The following RBFOX1 variants were observed in gnomAD, a reference collection of about 807,000 sequenced individuals.
RBFOX1 encodes the protein RNA binding fox-1 homolog 1.
A neutral mutation model predicts 57.7 loss-of-function variants in RBFOX1; 8 were observed. The ratio of observed to expected loss-of-function variants is 0.14; its 90% CI spans 0.08 to 0.25. The LOEUF is 0.25. Among genes scored for constraint, RBFOX1 ranks in the 10% least tolerant of loss-of-function variants. The pLI is 1.00. For synonymous variants in RBFOX1, 326 were observed against 222.4 expected (o/e 1.47, Z -4.15); for missense variants, 611 against 548.5 (o/e 1.11, Z -1.14).
At chr16:6,722,569 A>C (rs954957147) in intron 3 of RBFOX1, among the ~76,000 whole-genome samples, 1 of 152,202 alleles carries the variant, frequency 6.6e-6, no homozygotes, top group African/African-American at 2.4e-5. Flanking sequence ...GTGTGATATT[A>C]ATGAGAACCT....
intron 3 of RBFOX1, among the ~76,000 whole-genome samples, chr16:6,807,654 A>G (rs2087197797): frequency 6.6e-6 from 1 of 152,046 alleles, no homozygotes; most frequent in Admixed American, 6.6e-5. Flanking sequence ...CATCTCCACT[A>G]AAAATAAAAA....
chr16:7,216,845 C>G (rs987108323), intron 4 of RBFOX1, among the ~76,000 whole-genome samples: 2 of 151,946 alleles, frequency 1.3e-5, no homozygotes, highest in Middle Eastern at 3.2e-3. Context: ...TACTTTTTAC[C>G]AAGTTCTAGT....
Position 7,403,748 on chromosome 16 carries a change from G to C in RBFOX1, c.28-114399G>C, listed in dbSNP as rs373664319. On this transcript the variant is annotated intron_variant, in intron 4 of 15. Coordinates refer to ENST00000550418, the MANE Select transcript of RBFOX1 (RefSeq NM_018723.4). ...TTTAGTAGAGACAGGGTTTCACCAT[G>C]TTGGCCAGGTTGGTCTCGAACTCCT... is the stretch of plus-strand genomic sequence containing the variant. Among the ~76,000 whole-genome samples the C allele has an allele frequency of 5.3e-5, 8 of 152,086 alleles. No individual in the cohort carries two copies. The East Asian group carries it at 7.8e-4, about 15-fold the overall frequency.
chr16:5,642,980 C>T lies in RBFOX1; in HGVS notation c.318+44019C>T, dbSNP rs565253658. 5.9e-5 allele frequency among the ~76,000 whole-genome samples: 9 copies of T among 152,284 alleles called. No individual in the cohort carries two copies. The South Asian group carries it at 1.9e-3, about 32-fold the overall frequency. On this transcript the variant is annotated intron_variant, in intron 3 of 19. Transcript: ENST00000641259. Reference sequence around the variant, plus strand: ...TTCCTCCAGGGCTGGCCTAATCCACCGCCTCTCCTGAGCACGACTTCCTGG... The same window carrying T: ...TTCCTCCAGGGCTGGCCTAATCCACTGCCTCTCCTGAGCACGACTTCCTGG...
intron 3 of RBFOX1, among the ~76,000 whole-genome samples, chr16:5,724,873 T>C (rs1425432730): frequency 6.6e-6 from 1 of 152,198 alleles, no homozygotes; most frequent in African/African-American, 2.4e-5. Context: ...TGAGCCTATT[T>C]TGCCCATGAT....
intron 1 of RBFOX1, among the ~76,000 whole-genome samples, chr16:6,151,688 G>A (rs917298940): frequency 5.3e-5 from 8 of 152,202 alleles, no homozygotes; most frequent in African/African-American, 1.7e-4. Flanking sequence ...TAGAAGAGGG[G>A]GAGGTATTAA....
At chr16:5,422,743 G>C (rs1409810699) in intron 1 of RBFOX1, among the ~76,000 whole-genome samples, 1 of 135,890 alleles carries the variant, frequency 7.4e-6, no homozygotes, top group African/African-American at 2.8e-5. Context: ...CAGGGAAAGG[G>C]ATGGGGAGGA....
intron 3 of RBFOX1, among the ~76,000 whole-genome samples, chr16:5,631,665 C>T (rs1271493689): frequency 6.6e-6 from 1 of 152,094 alleles, no homozygotes; most frequent in Non-Finnish European, 1.5e-5. Context: ...TTCCCACCTC[C>T]TAGAACGGAA....
intron 2 of RBFOX1, among the ~76,000 whole-genome samples, chr16:5,512,760 G>A (rs764501322): frequency 3.3e-4 from 50 of 152,214 alleles, no homozygotes; most frequent in African/African-American, 9.9e-4. Context: ...TAACAGACCC[G>A]TATTGATGCA....
intron 2 of RBFOX1, among the ~76,000 whole-genome samples, chr16:6,371,167 T>A (rs367909865): frequency 6.6e-6 from 1 of 152,214 alleles, no homozygotes; most frequent in Non-Finnish European, 1.5e-5. Context: ...TCACTGTAAT[T>A]AATACATAGT....
intron 4 of RBFOX1, among the ~76,000 whole-genome samples, chr16:5,999,356 C>G (rs560320902): frequency 1.3e-5 from 2 of 152,326 alleles, no homozygotes; most frequent in East Asian, 3.9e-4. Context: ...CAAATAAATC[C>G]TTCCTTAAGT....
At chr16:7,587,804 G>C (rs768788895) in intron 7 of RBFOX1, among the ~76,000 whole-genome samples, 5 of 152,154 alleles carry the variant, frequency 3.3e-5, no homozygotes, top group Non-Finnish European at 5.9e-5. Flanking sequence ...GTTTTTTCAA[G>C]GAAACCAATT....
At chr16:5,876,847 C>T (rs907662640) in intron 4 of RBFOX1, among the ~76,000 whole-genome samples, 2 of 152,136 alleles carry the variant, frequency 1.3e-5, no homozygotes, top group Non-Finnish European at 2.9e-5. Flanking sequence ...TGCATAATTC[C>T]AAGGATTCAC....
chr16:6,496,051 G>T (rs952135007), intron 2 of RBFOX1, among the ~76,000 whole-genome samples: 4 of 152,192 alleles, frequency 2.6e-5, no homozygotes, highest in African/African-American at 9.7e-5. Flanking sequence ...AAGAACAAGC[G>T]TATGTTTATG....
At chr16:5,928,420 A>T (rs1021895208) in intron 4 of RBFOX1, among the ~76,000 whole-genome samples, 1 of 152,112 alleles carries the variant, frequency 6.6e-6, no homozygotes. Context: ...TGAAAAAAAA[A>T]AAAAAGTATG....
At chr16:6,794,858 T>G (rs2083648184) in intron 3 of RBFOX1, among the ~76,000 whole-genome samples, 1 of 152,068 alleles carries the variant, frequency 6.6e-6, no homozygotes, top group East Asian at 1.9e-4. Flanking sequence ...GTCAAGGGCT[T>G]TTTTCCCCCT....
At chr16:5,768,969 GAGA>G (rs1434863042) in intron 3 of RBFOX1, among the ~76,000 whole-genome samples, 2 of 152,164 alleles carry the variant, frequency 1.3e-5, no homozygotes, top group South Asian at 2.1e-4. Flanking sequence ...CAGTGGGATA[GAGA>G]AGAAGTCAAA....
intron 1 of RBFOX1, among the ~76,000 whole-genome samples, chr16:6,256,839 T>A (rs1349394994): frequency 6.6e-6 from 1 of 152,102 alleles, no homozygotes; most frequent in Non-Finnish European, 1.5e-5. Flanking sequence ...AGGAAGATAC[T>A]GCTAAGAGCA....
At chr16:7,676,380 T>G (rs1360749576) in intron 13 of RBFOX1, among the ~76,000 whole-genome samples, 1 of 152,144 alleles carries the variant, frequency 6.6e-6, no homozygotes, top group East Asian at 1.9e-4. Flanking sequence ...TGAATAAAAT[T>G]TAAGTTAATA....
Sources: gnomAD v4.1 joint callset for allele counts (sites outside exome capture counted in the v4.1 genomes callset) on GRCh38, gnomAD v4.1.1 for gene constraint, MANE v1.5 for transcripts, NCBI Gene and HGNC (gene_info 2026-07-23, HGNC 2026-07-21) for gene names.